Variants in CSMD3 observed in about 807,000 individuals in gnomAD.
The protein encoded by CSMD3 is CUB and Sushi multiple domains 3.
In CSMD3, 177 loss-of-function variants were observed where a neutral mutation model predicts 435.2. The observed-to-expected ratio is 0.41, with a 90% CI of 0.36 to 0.46. CSMD3 has a LOEUF of 0.46. CSMD3 is among the 20% of genes least tolerant of loss of function. The pLI, the probability that CSMD3 is intolerant of heterozygous loss-of-function variation, is 0.34. For missense variants in CSMD3, 4,265 were observed against 4,504.6 expected (o/e 0.95, Z 1.52); for synonymous variants, 1,656 against 1,520.5 (o/e 1.09, Z -2.07).
At chr8:113,334,634 A>G (rs186059974) in intron 1 of CSMD3, among the ~76,000 whole-genome samples, 1 of 152,198 alleles carries the variant, frequency 6.6e-6, no homozygotes, top group Admixed American at 6.6e-5. Context: ...TAGAATAAGA[A>G]TGCTAGTTAT....
intron 22 of CSMD3, among the ~76,000 whole-genome samples, chr8:112,610,016 G>T (rs542716387): frequency 4.5e-4 from 69 of 152,086 alleles, no homozygotes; most frequent in African/African-American, 1.7e-3. Flanking sequence ...AAAGGTGGGG[G>T]GTAGGGGAAA....
rs368554017 is a variant in CSMD3, at chr8:113,128,964, T to G, written c.710-30001A>C. 5.9e-5 allele frequency among the ~76,000 whole-genome samples: 9 copies of G among 152,152 alleles called. No homozygotes were observed. The East Asian group carries it at 1.2e-3, about 20-fold the overall frequency. On this transcript the variant is annotated intron_variant, in intron 4 of 70. Coordinates refer to ENST00000297405, the MANE Select transcript of CSMD3 (RefSeq NM_198123.2). The stretch of plus-strand genomic sequence containing the variant: ...ATGCATTTCTGCTCAAATACTCAGT[T>G]TACTGAAACATTTAAAGAAATTTGA...
intron 38 of CSMD3, among the ~76,000 whole-genome samples, chr8:112,357,821 C>T (rs1043003204): frequency 6.6e-6 from 1 of 152,196 alleles, no homozygotes; most frequent in Non-Finnish European, 1.5e-5. Flanking sequence ...AGAGGCAGGG[C>T]TCTCATGGAG....
At chr8:112,226,669 G>A (rs1425253842) in intron 70 of CSMD3, among the ~76,000 whole-genome samples, 1 of 152,106 alleles carries the variant, frequency 6.6e-6, no homozygotes, top group African/African-American at 2.4e-5. Flanking sequence ...TCTAATAAGG[G>A]CCTAGTGTCT....
intron 35 of CSMD3, among the ~76,000 whole-genome samples, chr8:112,395,898 A>G (rs1433254198): frequency 1.3e-5 from 2 of 152,156 alleles, no homozygotes; most frequent in Non-Finnish European, 2.9e-5. Context: ...AATTTTTTTA[A>G]GTAAAATTTT....
chr8:112,776,552 T>C (rs2078250640), intron 13 of CSMD3, among the ~76,000 whole-genome samples: 1 of 151,760 alleles, frequency 6.6e-6, no homozygotes, highest in Non-Finnish European at 1.5e-5. Flanking sequence ...TTCTATGGTG[T>C]CTTGCAATTC....
chr8:112,875,368 A>G (rs1361010393), intron 10 of CSMD3, among the ~76,000 whole-genome samples: 1 of 151,874 alleles, frequency 6.6e-6, no homozygotes, highest in Non-Finnish European at 1.5e-5. Context: ...TTTCATTTCA[A>G]TCTTGGTGAA....
chr8:112,510,376 T>C (rs2130950511), intron 28 of CSMD3, among the ~76,000 whole-genome samples: 1 of 152,364 alleles, frequency 6.6e-6, no homozygotes, highest in South Asian at 2.1e-4. Context: ...TGTATACACA[T>C]AAATTATACT....
At chr8:113,225,860 G>A (rs1429799947) in intron 3 of CSMD3, among the ~76,000 whole-genome samples, 1 of 151,418 alleles carries the variant, frequency 6.6e-6, no homozygotes, top group Non-Finnish European at 1.5e-5. Flanking sequence ...ATTGTAATCC[G>A]AATTGTAATC....
At chr8:113,401,287 A>G (rs2094508978) in intron 1 of CSMD3, among the ~76,000 whole-genome samples, 1 of 151,758 alleles carries the variant, frequency 6.6e-6, no homozygotes, top group African/African-American at 2.4e-5. Flanking sequence ...GGTTGAGCAG[A>G]TTCCAAGAGA....
chr8:112,622,361 C>A (rs1325811895), intron 22 of CSMD3, among the ~76,000 whole-genome samples: 1 of 151,990 alleles, frequency 6.6e-6, no homozygotes, highest in East Asian at 1.9e-4. Context: ...CTAGGGAAGC[C>A]TAAATTTGTT....
At chr8:112,988,570 T>C (rs980931965) in intron 6 of CSMD3, among the ~76,000 whole-genome samples, 3 of 152,094 alleles carry the variant, frequency 2.0e-5, no homozygotes, top group Admixed American at 2.0e-4. Flanking sequence ...TTGTGGCTTC[T>C]TACTATGTTG....
intron 10 of CSMD3, among the ~76,000 whole-genome samples, chr8:112,918,111 C>A (rs1383953933): frequency 6.6e-6 from 1 of 151,698 alleles, no homozygotes; most frequent in Non-Finnish European, 1.5e-5. Context: ...TAAATCAATA[C>A]AAAATAATAA....
At chr8:113,343,438 A>G (rs1471854023) in intron 1 of CSMD3, among the ~76,000 whole-genome samples, 1 of 152,208 alleles carries the variant, frequency 6.6e-6, no homozygotes, top group Non-Finnish European at 1.5e-5. Flanking sequence ...AAGATCACAG[A>G]GAAAAAAATA....
intron 7 of CSMD3, among the ~76,000 whole-genome samples, chr8:112,971,109 T>C (rs1234584278): frequency 1.3e-5 from 2 of 152,338 alleles, no homozygotes; most frequent in East Asian, 1.9e-4. Flanking sequence ...TGTAATTCAA[T>C]AACATTTCAA....
intron 4 of CSMD3, among the ~76,000 whole-genome samples, chr8:113,133,536 T>A (rs1354433694): frequency 6.6e-6 from 1 of 151,916 alleles, no homozygotes; most frequent in Non-Finnish European, 1.5e-5. Context: ...CTTGGAAAAA[T>A]TAAAAATAGA....
chr8:112,306,225 A>G lies in CSMD3; in HGVS notation c.7886-33T>C, dbSNP rs1319825104. 11 of 1,553,576 alleles carry G rather than the reference A, an allele frequency of 7.1e-6. No homozygotes were observed. In the East Asian group the frequency reaches 2.3e-4, roughly 32 times the overall value. ...AACATACACACAAGCAAAATCGTAT[A>G]AACAGAAAAATGTTTAATTTATTAG... is the stretch of plus-strand genomic sequence containing the variant. On this transcript the variant is annotated intron_variant, in intron 50 of 70. Coordinates refer to ENST00000297405, the MANE Select transcript of CSMD3 (RefSeq NM_198123.2).
intron 17 of CSMD3, among the ~76,000 whole-genome samples, chr8:112,658,969 A>T (rs1220693993): frequency 6.6e-6 from 1 of 152,150 alleles, no homozygotes; most frequent in African/African-American, 2.4e-5. Flanking sequence ...GAAAAAAAAA[A>T]GAAATTGTCA....
At chr8:112,511,937 C>T (rs1823187416) in intron 28 of CSMD3, among the ~76,000 whole-genome samples, 2 of 152,160 alleles carry the variant, frequency 1.3e-5, no homozygotes, top group South Asian at 2.1e-4. Flanking sequence ...CTTTTCCCAT[C>T]CATAAGAAGC....
Sources: gnomAD v4.1 joint callset for allele counts (sites outside exome capture counted in the v4.1 genomes callset) on GRCh38, gnomAD v4.1.1 for gene constraint, MANE v1.5 for transcripts, NCBI Gene and HGNC (gene_info 2026-07-23, HGNC 2026-07-21) for gene names.